Variants in ATP6V0D1 observed in about 807,000 individuals in gnomAD.
ATP6V0D1 encodes the protein ATPase H+ transporting V0 subunit d1.
In ATP6V0D1, 13 loss-of-function variants were observed where a neutral mutation model predicts 39.0. The ratio of observed to expected loss-of-function variants is 0.33; its 90% confidence interval spans 0.22 to 0.53. The LOEUF is 0.53. ATP6V0D1 is among the 20% of genes least tolerant of loss of function. The pLI is 0.94. For synonymous variants in ATP6V0D1, 191 were observed against 191.2 expected (o/e 1.00, Z 0.01); for missense variants, 272 against 470.9 (o/e 0.58, Z 3.91).
At chr16:67,450,776 G>A (rs1011563545) in intron 2 of ATP6V0D1, among the ~76,000 whole-genome samples, 12 of 152,230 alleles carry the variant, frequency 7.9e-5, no homozygotes, top group African/African-American at 2.9e-4. Context: ...GAAGGTGCCT[G>A]CACAGACAGG....
At chr16:67,442,984 G>T in intron 4 of ATP6V0D1, 115 bp downstream of exon 4, 1 of 1,127,612 alleles carries the variant, frequency 8.9e-7, no homozygotes, top group Non-Finnish European at 1.3e-6. Flanking sequence ...CCCTGGGATA[G>T]GAGCCTGACA....
intron 1 of ATP6V0D1, among the ~76,000 whole-genome samples, chr16:67,480,659 C>T (rs1220136771): frequency 6.6e-6 from 1 of 152,206 alleles, no homozygotes; most frequent in African/African-American, 2.4e-5. Flanking sequence ...CACCTCGCAC[C>T]GACCAACTAC....
intron 2 of ATP6V0D1, chr16:67,445,883 A>G (rs777536371): frequency 2.2e-6 from 1 of 455,124 alleles, no homozygotes; most frequent in South Asian, 1.6e-5. Flanking sequence ...ACTATCCTCC[A>G]GTCTGTCACC....
intron 1 of ATP6V0D1, chr16:67,459,058 C>G (rs1029018623): frequency 1.2e-5 from 12 of 985,680 alleles, no homozygotes; most frequent in South Asian, 4.7e-5. Flanking sequence ...GCCTCTCCCC[C>G]ACAGCCTGTG....
At chr16:67,443,297 G>C in intron 3 of ATP6V0D1, 119 bp from the exon 4 acceptor site, 1 of 978,824 alleles carries the variant, frequency 1.0e-6, no homozygotes, top group South Asian at 1.4e-5. Context: ...TGGGTATTGA[G>C]GGGTCCCCAG....
intron 1 of ATP6V0D1, chr16:67,457,458 C>A: frequency 1.4e-6 from 1 of 713,238 alleles, no homozygotes; most frequent in Non-Finnish European, 2.1e-6. Context: ...GCTGTCCAGA[C>A]AGATTTCAGT....
intron 1 of ATP6V0D1, among the ~76,000 whole-genome samples, chr16:67,475,580 GTGTTAATTATATT>G (rs1256247156): frequency 6.6e-6 from 1 of 152,176 alleles, no homozygotes; most frequent in African/African-American, 2.4e-5. Flanking sequence ...CTCCTCTTGA[GTGTTAATTATATT>G]TCTTTGCAAC....
Position 67,453,495 on chromosome 16 carries a change from T to C in ATP6V0D1, c.302+49A>G. ...ACACTGAACCCAGCTCCTGCAGGTGTAGCTATCCTGCCCAGGTAAGAGAAG... is the reference window on the plus strand; with the variant it reads ...ACACTGAACCCAGCTCCTGCAGGTGCAGCTATCCTGCCCAGGTAAGAGAAG... On this transcript the variant is annotated intron_variant, in intron 2 of 7. Coordinates refer to ENST00000290949, the MANE Select transcript of ATP6V0D1 (RefSeq NM_004691.5). The surrounding 1 kb of genome is among the most constrained non-coding windows in gnomAD (Gnocchi z 4.1). 1 of 1,597,016 alleles carries C rather than the reference T, an allele frequency of 6.3e-7. No homozygotes were observed. The highest frequency in any genetic ancestry group is 8.6e-7 in the Non-Finnish European group (1 of 1,167,960).
At chr16:67,463,909 C>CA (rs1396796558) in intron 1 of ATP6V0D1, among the ~76,000 whole-genome samples, 1 of 152,224 alleles carries the variant, frequency 6.6e-6, no homozygotes, top group African/African-American at 2.4e-5. Flanking sequence ...CTTGACCACA[C>CA]AGTGGAAGCT....
At chr16:67,467,963 G>C (rs1332396742) in intron 1 of ATP6V0D1, among the ~76,000 whole-genome samples, 2 of 152,210 alleles carry the variant, frequency 1.3e-5, no homozygotes, top group East Asian at 1.9e-4. Flanking sequence ...CAGAAGGCCA[G>C]GGACAAAACT....
In ATP6V0D1 at chr16:67,444,713, G is replaced by A. The variant is rs1223234745; in HGVS notation, c.303-7C>T. On this transcript the variant is annotated splice_polypyrimidine_tract_variant and splice_region_variant and intron_variant, in intron 2 of 7. Transcript: ENST00000290949. The surrounding 1 kb of genome is among the most constrained non-coding windows in gnomAD (Gnocchi z 4.8). ...GTCGATCATGTAACTGTAACTACAG[G>A]GGGCAGGCAATAGCAAGGAGCCCAT... The A allele has an allele frequency of 3.8e-6, 6 of 1,584,894 alleles. No homozygotes were observed. The highest frequency in any genetic ancestry group is 3.4e-5 in the Admixed American group (2 of 58,896).
intron 2 of ATP6V0D1, among the ~76,000 whole-genome samples, chr16:67,449,330 C>T (rs1049192487): frequency 6.6e-6 from 1 of 152,234 alleles, no homozygotes; most frequent in Non-Finnish European, 1.5e-5. Flanking sequence ...ACTCCTCCCA[C>T]AAGTCTCTCA....
At chr16:67,474,795 G>C (rs2041401739) in intron 1 of ATP6V0D1, among the ~76,000 whole-genome samples, 2 of 152,150 alleles carry the variant, frequency 1.3e-5, no homozygotes, top group Non-Finnish European at 2.9e-5. Context: ...CCACTCAGAT[G>C]GCTCACAGAT....
chr16:67,466,334 C>CAA (rs1412109670), intron 1 of ATP6V0D1, among the ~76,000 whole-genome samples: 1 of 116,012 alleles, frequency 8.6e-6, no homozygotes, highest in African/African-American at 4.2e-5. Context: ...CATACACACA[C>CAA]ACACACACAC....
At chr16:67,458,337 G>A (rs1387597671) in intron 1 of ATP6V0D1, among the ~76,000 whole-genome samples, 1 of 152,196 alleles carries the variant, frequency 6.6e-6, no homozygotes, top group Admixed American at 6.5e-5. Flanking sequence ...GGAGAGGCCT[G>A]GAACTTGTTG....
chr16:67,446,207 G>C (rs1375129897), intron 2 of ATP6V0D1, among the ~76,000 whole-genome samples: 2 of 152,138 alleles, frequency 1.3e-5, no homozygotes, highest in East Asian at 1.9e-4. Flanking sequence ...TGGCCACTGG[G>C]GGAGCTCCCA....
chr16:67,476,400 T>C (rs940429654), intron 1 of ATP6V0D1, among the ~76,000 whole-genome samples: 2 of 152,200 alleles, frequency 1.3e-5, no homozygotes, highest in Non-Finnish European at 2.9e-5. Flanking sequence ...TAGTGTGTTA[T>C]AATACTAAAC....
intron 1 of ATP6V0D1, among the ~76,000 whole-genome samples, chr16:67,477,043 A>G (rs201633991): frequency 0.027 from 4,064 of 149,942 alleles, 66 homozygotes; most frequent in Middle Eastern, 0.038. Flanking sequence ...AAAAAAAAAA[A>G]AAGAAGTACA....
At chr16:67,443,483 C>T (rs566534030) in intron 3 of ATP6V0D1, 15 of 330,026 alleles carry the variant, frequency 4.5e-5, no homozygotes, top group South Asian at 3.7e-4. Flanking sequence ...GACAGGCTTG[C>T]ATAAGAGGCC....
Sources: allele counts gnomAD v4.1 joint callset (sites outside exome capture counted in the v4.1 genomes callset), GRCh38; gene constraint gnomAD v4.1.1; non-coding constraint Gnocchi (gnomAD v3.1); transcripts MANE v1.5; gene names NCBI Gene and HGNC (gene_info 2026-07-23, HGNC 2026-07-21).